Variants in HCRTR2 observed in about 807,000 individuals in gnomAD.
HCRTR2 encodes orexin receptor type 2.
In HCRTR2, 22 loss-of-function variants were observed where a neutral mutation model predicts 49.0. That is an observed-to-expected ratio of 0.45 (90% CI 0.32 to 0.64). The LOEUF (loss-of-function observed/expected upper bound fraction) is 0.64, where lower values mean the gene tolerates loss of function less well. Among genes scored for constraint, HCRTR2 ranks in the 30% least tolerant of loss-of-function variants. The probability of loss-of-function intolerance (pLI) is 0.04; values close to 1 mark genes in which losing one functional copy is unlikely to be tolerated. For missense variants in HCRTR2, 491 were observed against 559.4 expected, an observed-to-expected ratio of 0.88 and a Z score of 1.23; for synonymous variants, 236 against 205.3, an observed-to-expected ratio of 1.15 and a Z score of -1.28.
intron 1 of HCRTR2, among the ~76,000 whole-genome samples, chr6:55,192,408 C>CGT (rs1765332931): frequency 3.6e-5 from 3 of 82,492 alleles, no homozygotes; most frequent in East Asian, 4.0e-4. Context: ...CACACGCGCG[C>CGT]GCGCGCACAC....
At chr6:55,114,509 C>G (rs1764091022) in intron 1 of HCRTR2, among the ~76,000 whole-genome samples, 1 of 151,738 alleles carries the variant, frequency 6.6e-6, no homozygotes, top group South Asian at 2.1e-4. Context: ...ATGTTTCCAC[C>G]AAATTCCGAT....
At chr6:55,121,158 G>A (rs188983164) in intron 1 of HCRTR2, among the ~76,000 whole-genome samples, 1,735 of 152,126 alleles carry the variant, frequency 0.011, 39 homozygotes, top group African/African-American at 0.04. Context: ...CGTTGAGCGT[G>A]GTTTGTAGTT....
intron 1 of HCRTR2, among the ~76,000 whole-genome samples, chr6:55,234,697 G>C (rs1406379446): frequency 6.6e-6 from 1 of 152,074 alleles, no homozygotes; most frequent in Non-Finnish European, 1.5e-5. Flanking sequence ...AGTACGAAAT[G>C]TTGGCAAAAA....
intron 1 of HCRTR2, among the ~76,000 whole-genome samples, chr6:55,195,746 C>G (rs977953258): frequency 6.6e-6 from 1 of 151,946 alleles, no homozygotes; most frequent in Non-Finnish European, 1.5e-5. Context: ...TCGAGGTGGG[C>G]GGATCACAAG....
chr6:55,231,259 A>G (rs1304055931), intron 1 of HCRTR2, among the ~76,000 whole-genome samples: 4 of 152,156 alleles, frequency 2.6e-5, no homozygotes, highest in African/African-American at 9.6e-5. Context: ...GAACTTTTTA[A>G]TGTTTGACCA....
intron 5 of HCRTR2, 85 bp downstream of exon 5, chr6:55,277,685 A>G: frequency 1.0e-6 from 1 of 990,746 alleles, no homozygotes. Context: ...TAACTAAGCC[A>G]GAGAAAAATC....
In HCRTR2 at chr6:55,277,332, A is replaced by G. The variant is rs374123277; in HGVS notation, c.763-48A>G. The G allele has an allele frequency of 4.0e-6, 6 of 1,496,290 alleles. No homozygotes were observed. In the African/African-American group the frequency reaches 8.3e-5, roughly 21 times the overall value. The allele number at this position is 1,496,290 out of a possible 1,614,324, so 92.7% of individuals were successfully genotyped here. ...TTTCTAATTACTTCCCCAAAGTGGAACTTTCCTAAGTCAAATTGCAATAAG... is the reference window on the plus strand; with the variant it reads ...TTTCTAATTACTTCCCCAAAGTGGAGCTTTCCTAAGTCAAATTGCAATAAG... On this transcript the variant is annotated intron_variant, in intron 4 of 6. Coordinates refer to ENST00000370862, the MANE Select transcript of HCRTR2 (RefSeq NM_001384272.1).
At chr6:55,238,156 A>G (rs1766249260) in intron 1 of HCRTR2, among the ~76,000 whole-genome samples, 2 of 152,176 alleles carry the variant, frequency 1.3e-5, no homozygotes, top group Admixed American at 1.3e-4. Flanking sequence ...ATCTACTCTT[A>G]CAAAGCTACC....
At chr6:55,158,103 T>C (rs1328383551) in intron 1 of HCRTR2, among the ~76,000 whole-genome samples, 7 of 152,100 alleles carry the variant, frequency 4.6e-5, no homozygotes, top group Non-Finnish European at 8.8e-5. Flanking sequence ...CCAACTGAGG[T>C]ACCCAGCTCC....
At chr6:55,216,263 T>C (rs1581835122) in intron 1 of HCRTR2, among the ~76,000 whole-genome samples, 1 of 152,190 alleles carries the variant, frequency 6.6e-6, no homozygotes, top group South Asian at 2.1e-4. Context: ...ATTCACACCA[T>C]AGCCTTTCAC....
At chr6:55,236,310 A>G (rs1221314582) in intron 1 of HCRTR2, among the ~76,000 whole-genome samples, 2 of 152,168 alleles carry the variant, frequency 1.3e-5, no homozygotes, top group East Asian at 3.9e-4. Flanking sequence ...TAATAGAAAC[A>G]TAATTGATTT....
chr6:55,223,072 A>T (rs544932264), intron 1 of HCRTR2, among the ~76,000 whole-genome samples: 2 of 152,314 alleles, frequency 1.3e-5, no homozygotes, highest in African/African-American at 4.8e-5. Flanking sequence ...CATTTTAGGG[A>T]ATTTTTACTA....
intron 1 of HCRTR2, among the ~76,000 whole-genome samples, chr6:55,226,718 T>C (rs1051872618): frequency 1.5e-5 from 2 of 133,416 alleles, no homozygotes; most frequent in Non-Finnish European, 3.2e-5. Flanking sequence ...GGTGTTTTTT[T>C]TTTTTTTTTT....
chr6:55,252,797 T>G (rs1232265875), intron 2 of HCRTR2, among the ~76,000 whole-genome samples: 1 of 152,098 alleles, frequency 6.6e-6, no homozygotes, highest in Non-Finnish European at 1.5e-5. Context: ...TATTCTTCTC[T>G]GAAAAGCAAT....
At chr6:55,129,461 ATC>A (rs1165127586) in intron 1 of HCRTR2, among the ~76,000 whole-genome samples, 1 of 152,094 alleles carries the variant, frequency 6.6e-6, no homozygotes. Flanking sequence ...CCCATCATAG[ATC>A]TAGGAAAATA....
chr6:55,127,359 G>T (rs530015260), intron 1 of HCRTR2, among the ~76,000 whole-genome samples: 1 of 152,112 alleles, frequency 6.6e-6, no homozygotes, highest in Admixed American at 6.5e-5. Flanking sequence ...CCCAGGTAAG[G>T]CGACACTCCA....
intron 4 of HCRTR2, among the ~76,000 whole-genome samples, chr6:55,272,904 T>C (rs1486796714): frequency 6.7e-6 from 1 of 150,262 alleles, no homozygotes; most frequent in Non-Finnish European, 1.5e-5. Flanking sequence ...AAGAATAATG[T>C]TGCGAGACAA....
intron 1 of HCRTR2, among the ~76,000 whole-genome samples, chr6:55,160,484 C>A (rs534571299): frequency 9.9e-5 from 15 of 152,212 alleles, no homozygotes; most frequent in African/African-American, 3.6e-4. Context: ...TCACACATAA[C>A]GATATTAACC....
rs1765008904 is a variant in HCRTR2 at position 55,174,783 on chromosome 6, G to A, written c.196G>A (p.Val66Ile). The A allele has an allele frequency of 6.2e-7, 1 of 1,614,002 alleles. No individual in the cohort carries two copies. The highest frequency in any genetic ancestry group is 1.1e-5 in the South Asian group (1 of 91,076). The change falls in exon 1 of 7, where the codon GTC (valine) becomes ATC (isoleucine). Residue 66 changes from valine (V) to isoleucine (I), a missense_variant. Physicochemically the swap from Val to Ile is conservative, Grantham distance 29 (BLOSUM62 3). Coordinates refer to ENST00000370862, the MANE Select transcript of HCRTR2 (RefSeq NM_001384272.1). ...GATCGCCGGGTACATCATCGTGTTC[G>A]TCGTGGCTCTCATTGGGAACGTCCT... ...VLIAGYIIVF[V>I]VALIGNVLVC...
Sources: allele counts gnomAD v4.1 joint callset (sites outside exome capture counted in the v4.1 genomes callset), GRCh38; gene constraint gnomAD v4.1.1; transcripts MANE v1.5; gene names NCBI Gene and HGNC (gene_info 2026-07-23, HGNC 2026-07-21).